The following RIMS2 variants were observed in gnomAD, a reference collection of about 807,000 sequenced individuals.
RIMS2 encodes the protein regulating synaptic membrane exocytosis 2.
Under a neutral mutation model 174.4 loss-of-function variants are expected in RIMS2, and 59 were observed. That is an observed-to-expected ratio of 0.34 (90% CI 0.27 to 0.42). The LOEUF (loss-of-function observed/expected upper bound fraction) is 0.42, where lower values mean the gene tolerates loss of function less well. Among genes scored for constraint, RIMS2 ranks in the 10% least tolerant of loss-of-function variants. The pLI, the probability that RIMS2 is intolerant of heterozygous loss-of-function variation, is 1.00. For synonymous variants in RIMS2, 606 were observed against 572.5 expected (o/e 1.06, Z -0.84); for missense variants, 1,620 against 1,666.3 (o/e 0.97, Z 0.48).
chr8:103,794,303 G>C (rs1295658438), intron 3 of RIMS2, among the ~76,000 whole-genome samples: 1 of 152,054 alleles, frequency 6.6e-6, no homozygotes, highest in Non-Finnish European at 1.5e-5. Flanking sequence ...TCTGATCTTT[G>C]ACAAACGGAA....
At chr8:103,611,842 A>G (rs776616382) in intron 1 of RIMS2, among the ~76,000 whole-genome samples, 24 of 152,010 alleles carry the variant, frequency 1.6e-4, no homozygotes, top group Admixed American at 2.6e-4. Flanking sequence ...GTTCTCTGAT[A>G]TTATCCTTTT....
chr8:104,135,673 A>C (rs1396817905), intron 19 of RIMS2, among the ~76,000 whole-genome samples: 2 of 151,344 alleles, frequency 1.3e-5, no homozygotes, highest in Non-Finnish European at 2.9e-5. Flanking sequence ...GAGAAGCAGC[A>C]TGTGGTAGGA....
At chr8:103,901,966 C>G (rs1379709195) in intron 4 of RIMS2, among the ~76,000 whole-genome samples, 5 of 152,136 alleles carry the variant, frequency 3.3e-5, no homozygotes, top group Admixed American at 3.3e-4. Context: ...AACAACAACA[C>G]ATGTTTATTA....
At chr8:103,727,196 A>C (rs2097537039) in intron 2 of RIMS2, among the ~76,000 whole-genome samples, 2 of 152,042 alleles carry the variant, frequency 1.3e-5, no homozygotes, top group Admixed American at 1.3e-4. Flanking sequence ...GTTTCTCTTG[A>C]ATTTTAATAA....
intron 3 of RIMS2, among the ~76,000 whole-genome samples, chr8:103,808,611 C>T (rs1355738748): frequency 6.6e-6 from 1 of 152,150 alleles, no homozygotes; most frequent in Non-Finnish European, 1.5e-5. Context: ...TCTCCCTCAA[C>T]CTGCTTCTCC....
chr8:104,067,816 A>C (rs2097130793), intron 19 of RIMS2, among the ~76,000 whole-genome samples: 1 of 152,098 alleles, frequency 6.6e-6, no homozygotes, highest in Non-Finnish European at 1.5e-5. Context: ...TTTAGGTAGC[A>C]CCTGTTGTAG....
chr8:104,008,542 T>C (rs988628248), intron 17 of RIMS2, among the ~76,000 whole-genome samples: 3 of 151,784 alleles, frequency 2.0e-5, no homozygotes, highest in Non-Finnish European at 4.4e-5. Context: ...CTGTTCAGTA[T>C]TGTATTTGTC....
At chr8:104,178,424 A>G (rs2098918769) in intron 19 of RIMS2, among the ~76,000 whole-genome samples, 1 of 152,060 alleles carries the variant, frequency 6.6e-6, no homozygotes, top group Admixed American at 6.6e-5. Flanking sequence ...TCAGCCTCTA[A>G]TCTTTTCCAC....
intron 16 of RIMS2, among the ~76,000 whole-genome samples, chr8:103,981,766 C>T (rs905753438): frequency 2.0e-5 from 3 of 151,954 alleles, no homozygotes; most frequent in African/African-American, 4.8e-5. Flanking sequence ...ATCAATGTCC[C>T]TTCAGAGCAG....
chr8:103,572,788 A>G (rs2132424668), intron 1 of RIMS2, among the ~76,000 whole-genome samples: 1 of 151,992 alleles, frequency 6.6e-6, no homozygotes, highest in South Asian at 2.1e-4. Context: ...TAAGTTCCTT[A>G]TAGATTTTGG....
At chr8:103,829,056 T>C (rs1408781125) in intron 3 of RIMS2, among the ~76,000 whole-genome samples, 1 of 151,778 alleles carries the variant, frequency 6.6e-6, no homozygotes, top group Non-Finnish European at 1.5e-5. Flanking sequence ...ATTTGGGCTC[T>C]TTTTTGGTTC....
chr8:103,765,718 G>A (rs536222823), intron 2 of RIMS2, among the ~76,000 whole-genome samples: 47 of 152,058 alleles, frequency 3.1e-4, no homozygotes, highest in African/African-American at 1.1e-3. Context: ...CGTATAACAA[G>A]TAATATTCTA....
In RIMS2 at chr8:103,966,040, G is replaced by C. The variant is rs550239195; in HGVS notation, c.2770+4907G>C. On this transcript the variant is annotated intron_variant, in intron 15 of 23. Transcript: ENST00000504942. ...TTTTATACATTGTTGGATTCAGTGT[G>C]CTAACATTACATTGATAATTTTTGC... Among the ~76,000 whole-genome samples, 3 of 151,972 alleles carry C rather than the reference G, an allele frequency of 2.0e-5. No individual in the cohort carries two copies. The South Asian group carries it at 6.2e-4, about 31-fold the overall frequency.
rs1023120373 is a variant in RIMS2, at chr8:103,816,075, A to G, written c.698+49538A>G. ...TTTATGTTACATGTGAACCTGCACT[A>G]TATTGAAAATTTAAAACACACGTTA... On this transcript the variant is annotated intron_variant, in intron 3 of 23. Transcript: ENST00000504942. Among the ~76,000 whole-genome samples, 4 of 152,302 alleles carry G rather than the reference A, an allele frequency of 2.6e-5. No homozygotes were observed. In the South Asian group the frequency reaches 8.3e-4, roughly 32 times the overall value.
chr8:104,172,399 G>T (rs2098837735), intron 19 of RIMS2, among the ~76,000 whole-genome samples: 1 of 152,186 alleles, frequency 6.6e-6, no homozygotes, highest in Non-Finnish European at 1.5e-5. Context: ...TTTGGGGCTG[G>T]CAAAGTATGG....
At chr8:104,227,607 T>G (rs902242048) in intron 19 of RIMS2, among the ~76,000 whole-genome samples, 1 of 152,126 alleles carries the variant, frequency 6.6e-6, no homozygotes, top group Non-Finnish European at 1.5e-5. Flanking sequence ...AATGGCACAT[T>G]TTCTAATACT....
At chr8:103,609,069 C>T (rs6990927) in intron 1 of RIMS2, among the ~76,000 whole-genome samples, 27,713 of 152,118 alleles carry the variant, frequency 0.18, 2,773 homozygotes, top group African/African-American at 0.26. Context: ...GAGATGGTAT[C>T]TCATTTTGGT....
chr8:103,828,742 G>A (rs61280722), intron 3 of RIMS2, among the ~76,000 whole-genome samples: 19,888 of 151,892 alleles, frequency 0.13, 1,760 homozygotes, highest in Non-Finnish European at 0.2. Flanking sequence ...GATTTTTGTA[G>A]GTGGTGAAAG....
intron 1 of RIMS2, among the ~76,000 whole-genome samples, chr8:103,598,666 G>A (rs16870558): frequency 0.12 from 18,884 of 152,096 alleles, 1,274 homozygotes; most frequent in Middle Eastern, 0.22. Flanking sequence ...ATTGGGGAGT[G>A]TTCTTTGACA....
Sources: gnomAD v4.1 joint callset for allele counts (sites outside exome capture counted in the v4.1 genomes callset) on GRCh38, gnomAD v4.1.1 for gene constraint, MANE v1.5 for transcripts, NCBI Gene and HGNC (gene_info 2026-07-23, HGNC 2026-07-21) for gene names.